The following SHISA6 variants were observed in gnomAD, a reference collection of about 807,000 sequenced individuals.
SHISA6 encodes the protein protein shisa-6.
In SHISA6, 22 loss-of-function variants were observed where a neutral mutation model predicts 47.9. The ratio of observed to expected loss-of-function variants is 0.46; its 90% CI spans 0.33 to 0.66. The LOEUF is 0.66. Ranked by LOEUF, SHISA6 falls within the 30% of genes least tolerant of loss-of-function variation. The pLI is 0.02. For missense variants in SHISA6, 680 were observed against 764.6 expected (o/e 0.89, Z 1.30); for synonymous variants, 388 against 337.8 (o/e 1.15, Z -1.63).
chr17:11,301,853 G>A (rs755383086), intron 2 of SHISA6, among the ~76,000 whole-genome samples: 13 of 152,122 alleles, frequency 8.5e-5, no homozygotes, highest in Non-Finnish European at 1.5e-4. Flanking sequence ...GTATTCGTCC[G>A]TTTTCATACT....
At chr17:11,524,036 AAAG>A (rs2071654194) in intron 3 of SHISA6, among the ~76,000 whole-genome samples, 1 of 151,792 alleles carries the variant, frequency 6.6e-6, no homozygotes, top group African/African-American at 2.4e-5. Flanking sequence ...AAAGAAAAGA[AAAG>A]AAAGAAAGAA....
chr17:11,532,894 C>T (rs2142372725), intron 3 of SHISA6, among the ~76,000 whole-genome samples: 1 of 152,162 alleles, frequency 6.6e-6, no homozygotes, highest in East Asian at 1.9e-4. Flanking sequence ...ATATGGTTAC[C>T]TGGAAATAGG....
chr17:11,311,298 A>C (rs28386768), intron 2 of SHISA6, among the ~76,000 whole-genome samples: 64,991 of 132,584 alleles, frequency 0.49, 17,104 homozygotes, highest in East Asian at 0.61. Flanking sequence ...AAAAAAAAAA[A>C]AACCGACAAA....
chr17:11,280,674 A>G (rs1241574949), intron 2 of SHISA6, among the ~76,000 whole-genome samples: 1 of 152,246 alleles, frequency 6.6e-6, no homozygotes, highest in East Asian at 1.9e-4. Flanking sequence ...TAAGACTTGA[A>G]TGGTCAGAAA....
intron 2 of SHISA6, among the ~76,000 whole-genome samples, chr17:11,343,396 T>C (rs927883694): frequency 2.0e-5 from 3 of 152,140 alleles, no homozygotes; most frequent in African/African-American, 7.2e-5. Flanking sequence ...CAAAGGCTTG[T>C]GTAGGGTAGT....
chr17:11,326,143 C>T (rs1429885654), intron 2 of SHISA6, among the ~76,000 whole-genome samples: 1 of 151,978 alleles, frequency 6.6e-6, no homozygotes, highest in African/African-American at 2.4e-5. Flanking sequence ...TGGTGGCATG[C>T]ACCTGTAGTC....
At chr17:11,322,760 A>G (rs1388230971) in intron 2 of SHISA6, among the ~76,000 whole-genome samples, 3 of 152,190 alleles carry the variant, frequency 2.0e-5, no homozygotes, top group Admixed American at 1.3e-4. Context: ...CTGAATTTCT[A>G]TTTGAGTGCA....
rs539834404 is a variant in SHISA6, at chr17:11,483,502, TG to T, written c.896-68393del. ...ACTTACAACATAATTACTCCAAAAATGTAAAAGTTTAGAGCTGAGCAACAAG... is the reference window on the plus strand; with the variant it reads ...ACTTACAACATAATTACTCCAAAAATTAAAAGTTTAGAGCTGAGCAACAAG... On this transcript the variant is annotated intron_variant, in intron 3 of 5. Transcript: ENST00000441885. Among the ~76,000 whole-genome samples the T allele has an allele frequency of 5.7e-3, 863 of 152,212 alleles. 5 individuals carry two copies. Among genetic ancestry groups the T allele is most frequent in the Non-Finnish European group, 8.7e-3 (595 of 68,016 alleles).
At chr17:11,244,018 C>T (rs1907479336) in intron 1 of SHISA6, among the ~76,000 whole-genome samples, 1 of 152,146 alleles carries the variant, frequency 6.6e-6, no homozygotes, top group Admixed American at 6.5e-5. Context: ...TGGCACGTGA[C>T]CCTGGAGAGG....
chr17:11,243,126 G>C (rs1907437969), intron 1 of SHISA6, among the ~76,000 whole-genome samples: 1 of 151,706 alleles, frequency 6.6e-6, no homozygotes, highest in African/African-American at 2.4e-5. Context: ...CTGCTTGTCA[G>C]TCAGTCCTGC....
intron 3 of SHISA6, among the ~76,000 whole-genome samples, chr17:11,430,614 A>G (rs1914743052): frequency 6.6e-6 from 1 of 152,106 alleles, no homozygotes; most frequent in African/African-American, 2.4e-5. Context: ...AGGCTGCCTC[A>G]AGAGAGCCCT....
chr17:11,444,728 A>G (rs1567607594), intron 3 of SHISA6, among the ~76,000 whole-genome samples: 2 of 152,224 alleles, frequency 1.3e-5, no homozygotes, highest in Non-Finnish European at 2.9e-5. Flanking sequence ...ACCGAGATTT[A>G]TTTACTTAAC....
At chr17:11,299,140 A>G (rs537818897) in intron 2 of SHISA6, among the ~76,000 whole-genome samples, 19 of 152,334 alleles carry the variant, frequency 1.2e-4, no homozygotes. Context: ...ATTAGGATGG[A>G]CCACATTTCT....
intron 2 of SHISA6, among the ~76,000 whole-genome samples, chr17:11,282,358 G>A (rs985190939): frequency 1.3e-5 from 2 of 151,882 alleles, no homozygotes; most frequent in Non-Finnish European, 2.9e-5. Context: ...GTAGGGAAGG[G>A]GCAAGAGAGC....
At chr17:11,545,757 C>T (rs934111189) in intron 3 of SHISA6, among the ~76,000 whole-genome samples, 1 of 152,184 alleles carries the variant, frequency 6.6e-6, no homozygotes, top group African/African-American at 2.4e-5. Context: ...TGTCCCCTCA[C>T]AGGGCTGGCA....
chr17:11,424,903 G>A (rs1371420745), intron 3 of SHISA6, among the ~76,000 whole-genome samples: 38 of 151,174 alleles, frequency 2.5e-4, no homozygotes, highest in African/African-American at 8.3e-4. Context: ...CAGCTACTGG[G>A]GGCTGAGGCA....
chr17:11,407,324 C>G (rs948182724), intron 3 of SHISA6, among the ~76,000 whole-genome samples: 4 of 151,942 alleles, frequency 2.6e-5, no homozygotes, highest in Admixed American at 2.0e-4. Context: ...GGTCTGTGTT[C>G]CCCATCGCTG....
chr17:11,318,397 G>A (rs988348561), intron 2 of SHISA6, among the ~76,000 whole-genome samples: 2 of 152,092 alleles, frequency 1.3e-5, no homozygotes, highest in African/African-American at 2.4e-5. Flanking sequence ...GTTTGGCTTC[G>A]TCCTGTGCCA....
intron 2 of SHISA6, among the ~76,000 whole-genome samples, chr17:11,300,132 A>G (rs1180069350): frequency 7.5e-5 from 11 of 146,142 alleles, no homozygotes; most frequent in African/African-American, 2.5e-4. Flanking sequence ...GCGACAGAGC[A>G]AGACTCCATC....
Sources: allele counts gnomAD v4.1 joint callset (sites outside exome capture counted in the v4.1 genomes callset), GRCh38; gene constraint gnomAD v4.1.1; transcripts MANE v1.5; gene names NCBI Gene and HGNC (gene_info 2026-07-23, HGNC 2026-07-21).